CMSS1: variants seen among roughly 807,000 people sequenced by gnomAD.
CMSS1 encodes the protein cms1 ribosomal small subunit homolog, also known as protein CMSS1.
A neutral mutation model predicts 43.5 loss-of-function variants in CMSS1; 33 were observed. The observed-to-expected ratio is 0.76, with a 90% confidence interval of 0.57 to 1.01. The LOEUF (loss-of-function observed/expected upper bound fraction) is 1.01, where lower values mean the gene tolerates loss of function less well. CMSS1 is among the 50% of genes least tolerant of loss of function. The pLI, the probability that CMSS1 is intolerant of heterozygous loss-of-function variation, is 0.00. For missense variants in CMSS1, 313 were observed against 326.4 expected (o/e 0.96, Z 0.32); for synonymous variants, 115 against 117.2 (o/e 0.98, Z 0.12).
chr3:100,175,787 CA>C (rs917402471), intron 8 of CMSS1, among the ~76,000 whole-genome samples: 51 of 152,244 alleles, frequency 3.3e-4, no homozygotes, highest in African/African-American at 1.2e-3. Context: ...GTCTTCTAGA[CA>C]AACAGGAAAG....
intron 1 of CMSS1, among the ~76,000 whole-genome samples, chr3:100,110,870 T>C (rs556164235): frequency 2.0e-5 from 3 of 152,304 alleles, no homozygotes; most frequent in African/African-American, 7.2e-5. Flanking sequence ...GATGTGACAA[T>C]GTTTTATGTT....
At chr3:100,129,826 T>G (rs1368768459) in intron 1 of CMSS1, among the ~76,000 whole-genome samples, 1 of 152,232 alleles carries the variant, frequency 6.6e-6, no homozygotes, top group Non-Finnish European at 1.5e-5. Context: ...TTCGTTTTAC[T>G]AAAGTCATTA....
At chr3:100,007,786 A>G (rs981380427) in intron 1 of CMSS1, among the ~76,000 whole-genome samples, 3 of 152,208 alleles carry the variant, frequency 2.0e-5, no homozygotes. Context: ...GAAAAAATAT[A>G]TTAGTTATCT....
intron 2 of CMSS1, among the ~76,000 whole-genome samples, chr3:100,158,271 A>G (rs1472486550): frequency 6.6e-6 from 1 of 152,214 alleles, no homozygotes; most frequent in African/African-American, 2.4e-5. Flanking sequence ...CTTAAAAGCA[A>G]CATTTTTTTA....
At chr3:100,092,324 C>T (rs1343774164) in intron 1 of CMSS1, among the ~76,000 whole-genome samples, 1 of 151,880 alleles carries the variant, frequency 6.6e-6, no homozygotes, top group Non-Finnish European at 1.5e-5. Flanking sequence ...GTAGATTTCC[C>T]GTCATAGCAT....
intron 1 of CMSS1, among the ~76,000 whole-genome samples, chr3:99,992,829 G>T (rs1303614277): frequency 6.6e-6 from 1 of 151,868 alleles, no homozygotes; most frequent in Non-Finnish European, 1.5e-5. Context: ...TCCATCTTGG[G>T]TTAATTTTTG....
chr3:100,028,919 A>G lies in CMSS1; in HGVS notation c.65-118054A>G, dbSNP rs1158826125. Among the ~76,000 whole-genome samples the G allele has an allele frequency of 2.0e-5, 3 of 152,198 alleles. No homozygotes were observed. In the South Asian group the frequency reaches 6.2e-4, roughly 32 times the overall value. ...CACACACAAAGACACACACACACAT[A>G]TAAACATAAACATATACATATATAT... On this transcript the variant is annotated intron_variant, in intron 1 of 9. Coordinates refer to ENST00000421999, the MANE Select transcript of CMSS1 (RefSeq NM_032359.4).
Position 99,849,184 on chromosome 3 carries a change from C to T in CMSS1, c.64+31141C>T, listed in dbSNP as rs555030281. 3.7e-6 allele frequency: 6 copies of T among 1,614,178 alleles called. No individual in the cohort carries two copies. In the East Asian group the frequency reaches 8.9e-5, roughly 24 times the overall value. On this transcript the variant is annotated intron_variant, in intron 1 of 9. Transcript: ENST00000421999. ...ATTAGGGTCCTCGTCTTGATTCTCACTCTCCTCATATAACTGACCATTGAT... is the reference window on the plus strand; with the variant it reads ...ATTAGGGTCCTCGTCTTGATTCTCATTCTCCTCATATAACTGACCATTGAT...
intron 1 of CMSS1, among the ~76,000 whole-genome samples, chr3:99,952,803 G>C (rs139983964): frequency 1.5e-4 from 23 of 152,140 alleles, no homozygotes; most frequent in African/African-American, 5.5e-4. Context: ...ACAAGAAAAC[G>C]TGTCTTACAG....
rs370189071 is a variant in CMSS1 at position 100,178,432 on chromosome 3, C to A, written c.*44C>A. 8.0e-6 allele frequency: 10 copies of A among 1,250,948 alleles called. No individual in the cohort carries two copies. The African/African-American group carries it at 1.3e-4, about 17-fold the overall frequency. The allele number at this position is 1,250,948 out of a possible 1,614,324, so 77.5% of individuals were successfully genotyped here. A position where few individuals can be genotyped will look rare whatever the true frequency, so the allele number is the denominator to read the frequency against. On this transcript the variant is annotated 3_prime_UTR_variant, in exon 10 of 10. Coordinates refer to ENST00000421999, the MANE Select transcript of CMSS1 (RefSeq NM_032359.4). Reference sequence around the variant, plus strand: ...ATTCCAGTTTTCACAGTAGAAGTTGCATCTTATTTAATGACTCTGATACAT... The same window carrying A: ...ATTCCAGTTTTCACAGTAGAAGTTGAATCTTATTTAATGACTCTGATACAT...
At chr3:99,923,854 T>C (rs961986177) in intron 1 of CMSS1, among the ~76,000 whole-genome samples, 2 of 152,248 alleles carry the variant, frequency 1.3e-5, no homozygotes, top group African/African-American at 4.8e-5. Flanking sequence ...TGTGAAAAGC[T>C]TGAGTTCCCT....
At chr3:99,989,631 A>AT (rs1361854248) in intron 1 of CMSS1, among the ~76,000 whole-genome samples, 2 of 150,694 alleles carry the variant, frequency 1.3e-5, no homozygotes, top group Admixed American at 6.6e-5. Flanking sequence ...ATTCAAAGCA[A>AT]TTTTTTCAAA....
At chr3:99,892,256 A>C (rs1706106532) in intron 1 of CMSS1, among the ~76,000 whole-genome samples, 1 of 152,218 alleles carries the variant, frequency 6.6e-6, no homozygotes, top group African/African-American at 2.4e-5. Context: ...AGAACCATGT[A>C]ATGTGAGGGC....
chr3:99,837,352 TC>T (rs1942942658), intron 1 of CMSS1, among the ~76,000 whole-genome samples: 1 of 151,642 alleles, frequency 6.6e-6, no homozygotes, highest in Admixed American at 6.6e-5. Context: ...AAGTGACTGA[TC>T]TCAGGCACAG....
intron 1 of CMSS1, among the ~76,000 whole-genome samples, chr3:99,925,292 C>G (rs1707255975): frequency 6.6e-6 from 1 of 152,184 alleles, no homozygotes; most frequent in East Asian, 1.9e-4. Context: ...TTTCACAGCA[C>G]TATACTTACA....
At chr3:99,848,210 T>A in intron 1 of CMSS1, 2 of 1,569,808 alleles carry the variant, frequency 1.3e-6, no homozygotes, top group East Asian at 4.5e-5. Flanking sequence ...TATGGAGGGA[T>A]GATTAAAAAA....
intron 1 of CMSS1, among the ~76,000 whole-genome samples, chr3:100,110,811 T>G (rs533596348): frequency 5.9e-5 from 9 of 152,274 alleles, no homozygotes; most frequent in African/African-American, 2.2e-4. Context: ...AGCCTACTTA[T>G]GCTTGCACCA....
chr3:99,999,888 A>G (rs1709792836), intron 1 of CMSS1, among the ~76,000 whole-genome samples: 1 of 152,202 alleles, frequency 6.6e-6, no homozygotes, highest in Non-Finnish European at 1.5e-5. Flanking sequence ...TCAGTTTCAC[A>G]CATAGTCCAA....
Position 100,011,553 on chromosome 3 carries a change from G to A in CMSS1, c.65-135420G>A, listed in dbSNP as rs1449183765. On this transcript the variant is annotated intron_variant, in intron 1 of 9. Coordinates refer to ENST00000421999, the MANE Select transcript of CMSS1 (RefSeq NM_032359.4). The stretch of plus-strand genomic sequence containing the variant: ...ATACCTGACAATTTATATCTATAAA[G>A]CCTGTTGAGATCATGGAATATTAGC... 2.0e-5 allele frequency: 3 copies of A among 152,104 alleles called. No homozygotes were observed. In the East Asian group the frequency reaches 5.8e-4, roughly 29 times the overall value. 9.4% of individuals were successfully genotyped at this position (152,104 alleles called of 1,614,324 possible).
Sources: allele counts gnomAD v4.1 joint callset (sites outside exome capture counted in the v4.1 genomes callset), GRCh38; gene constraint gnomAD v4.1.1; transcripts MANE v1.5; gene names NCBI Gene and HGNC (gene_info 2026-07-23, HGNC 2026-07-21).